RFPL1: variants seen among roughly 807,000 people sequenced by gnomAD.
RFPL1 encodes ret finger protein-like 1.
In RFPL1, 6 loss-of-function variants were observed where a neutral mutation model predicts 9.6. The ratio of observed to expected loss-of-function variants is 0.62; its 90% CI spans 0.34 to 1.23. RFPL1 has a LOEUF of 1.23. RFPL1 is among the 50% of genes most tolerant of loss of function. The probability of loss-of-function intolerance (pLI) is 0.03; values close to 1 mark genes in which losing one functional copy is unlikely to be tolerated. For synonymous variants in RFPL1, 145 were observed against 149.4 expected, an observed-to-expected ratio of 0.97 and a Z score of 0.22; for missense variants, 352 against 398.4, an observed-to-expected ratio of 0.88 and a Z score of 0.99.
chr22:29,415,780 T>A, the RFPL1 span, among the ~76,000 whole-genome samples: 2 of 152,242 alleles, frequency 1.3e-5, no homozygotes. Flanking sequence ...AGGGTCGTGA[T>A]AGACTGAGCA....
the RFPL1 span, among the ~76,000 whole-genome samples, chr22:29,417,709 G>A: frequency 1.3e-5 from 2 of 151,528 alleles, no homozygotes; most frequent in African/African-American, 2.4e-5. Context: ...ATCTCAAAAT[G>A]TTCTGTGCAG....
At chr22:29,439,733 G>A (rs6006150) in intron 1 of RFPL1, 7,600 of 153,208 alleles carry the variant, frequency 0.05, 486 homozygotes, top group East Asian at 0.17. Flanking sequence ...TGCAGATGCT[G>A]AACTGGGAAG....
At chr22:29,414,766 G>A in the RFPL1 span, among the ~76,000 whole-genome samples, 34 of 151,642 alleles carry the variant, frequency 2.2e-4, no homozygotes, top group East Asian at 6.4e-3. Context: ...TTTTTCTAAC[G>A]GAGTAGCCCC....
At chr22:29,397,723 A>C in the RFPL1 span, among the ~76,000 whole-genome samples, 1 of 152,184 alleles carries the variant, frequency 6.6e-6, no homozygotes, top group South Asian at 2.1e-4. Flanking sequence ...ACATGCTCCC[A>C]GGAGTGGGGT....
the RFPL1 span, among the ~76,000 whole-genome samples, chr22:29,426,909 G>T: frequency 6.6e-6 from 1 of 152,192 alleles, no homozygotes; most frequent in Admixed American, 6.5e-5. Flanking sequence ...AGAGGAGTCT[G>T]GCGTTCTACC....
the RFPL1 span, among the ~76,000 whole-genome samples, chr22:29,393,485 C>T: frequency 6.6e-6 from 1 of 152,204 alleles, no homozygotes; most frequent in Admixed American, 6.5e-5. Context: ...AAGGGAACTT[C>T]CCTCTCTGCC....
At chr22:29,418,778 G>A in the RFPL1 span, among the ~76,000 whole-genome samples, 1 of 152,168 alleles carries the variant, frequency 6.6e-6, no homozygotes, top group Admixed American at 6.5e-5. Context: ...GATTACAGGT[G>A]TGAGCCACTG....
At chr22:29,393,519 A>G in the RFPL1 span, among the ~76,000 whole-genome samples, 1 of 152,200 alleles carries the variant, frequency 6.6e-6, no homozygotes, top group African/African-American at 2.4e-5. Flanking sequence ...CCACCTAGCT[A>G]CACTGCCTGA....
At chr22:29,427,398 G>C in the RFPL1 span, among the ~76,000 whole-genome samples, 200 of 152,296 alleles carry the variant, frequency 1.3e-3, no homozygotes, top group African/African-American at 4.5e-3. Context: ...GCCTGTTCCT[G>C]CCTGTAGCCC....
the RFPL1 span, among the ~76,000 whole-genome samples, chr22:29,402,875 C>G: frequency 1.4e-5 from 2 of 138,760 alleles, no homozygotes; most frequent in African/African-American, 3.0e-5. Context: ...CACAGAGGGA[C>G]AGGGTGGCCA....
the RFPL1 span, among the ~76,000 whole-genome samples, chr22:29,426,907 C>T: frequency 5.3e-5 from 8 of 152,154 alleles, no homozygotes; most frequent in Admixed American, 5.2e-4. Flanking sequence ...AGAGAGGAGT[C>T]TGGCGTTCTA....
chr22:29,423,759 G>A, the RFPL1 span, among the ~76,000 whole-genome samples: 1 of 152,206 alleles, frequency 6.6e-6, no homozygotes, highest in Non-Finnish European at 1.5e-5. Context: ...TTCTCCCCAT[G>A]ACTTCTCTAA....
chr22:29,413,482 G>C, the RFPL1 span, among the ~76,000 whole-genome samples: 1 of 152,112 alleles, frequency 6.6e-6, no homozygotes, highest in African/African-American at 2.4e-5. Context: ...GGACTTTATA[G>C]TCCTTGGTGC....
the RFPL1 span, among the ~76,000 whole-genome samples, chr22:29,405,611 C>T: frequency 6.6e-6 from 1 of 152,162 alleles, no homozygotes; most frequent in Non-Finnish European, 1.5e-5. Flanking sequence ...GTTCAGGGTC[C>T]AGGGCATGAT....
At chr22:29,438,521 T>C (rs755659081), upstream of RFPL1, 134 of 1,150,576 alleles carry the variant, frequency 1.2e-4, no homozygotes, top group Non-Finnish European at 1.5e-4. Context: ...ATCAATCTCT[T>C]GCTGGGGTTC....
At chr22:29,407,679 A>G in the RFPL1 span, among the ~76,000 whole-genome samples, 1 of 152,090 alleles carries the variant, frequency 6.6e-6, no homozygotes, top group Non-Finnish European at 1.5e-5. Flanking sequence ...ACTGTATCCA[A>G]TTGTGAGCAC....
the RFPL1 span, among the ~76,000 whole-genome samples, chr22:29,400,989 G>A: frequency 6.6e-6 from 1 of 152,164 alleles, no homozygotes; most frequent in Non-Finnish European, 1.5e-5. Context: ...TGAACACTCA[G>A]GTGCCTTGAC....
chr22:29,420,388 T>C, the RFPL1 span, among the ~76,000 whole-genome samples: 1 of 151,994 alleles, frequency 6.6e-6, no homozygotes, highest in African/African-American at 2.4e-5. Context: ...TGGAGTGCAG[T>C]GGCCCCATCT....
At chr22:29,409,056 C>T in the RFPL1 span, among the ~76,000 whole-genome samples, 1 of 151,952 alleles carries the variant, frequency 6.6e-6, no homozygotes, top group Non-Finnish European at 1.5e-5. Flanking sequence ...AGCGTCAAGT[C>T]TGTACATATA....
Sources: gnomAD v4.1 joint callset for allele counts (sites outside exome capture counted in the v4.1 genomes callset) on GRCh38, gnomAD v4.1.1 for gene constraint, MANE v1.5 for transcripts, NCBI Gene and HGNC (gene_info 2026-07-23, HGNC 2026-07-21) for gene names.